The following LRP1B variants were observed in gnomAD, a reference collection of about 807,000 sequenced individuals.
The protein encoded by LRP1B is low-density lipoprotein receptor-related protein 1B.
A neutral mutation model predicts 556.6 loss-of-function variants in LRP1B; 217 were observed. The observed-to-expected ratio is 0.39, with a 90% CI of 0.35 to 0.44. LRP1B has a LOEUF of 0.44. Among genes scored for constraint, LRP1B ranks in the 20% least tolerant of loss-of-function variants. The pLI is 1.00. For missense variants in LRP1B, 5,053 were observed against 5,620.8 expected, an observed-to-expected ratio of 0.90 and a Z score of 3.23; for synonymous variants, 2,047 against 1,865.8, an observed-to-expected ratio of 1.10 and a Z score of -2.50.
chr2:140,780,041 G>T (rs1183973110), intron 32 of LRP1B, among the ~76,000 whole-genome samples: 1 of 148,480 alleles, frequency 6.7e-6, no homozygotes, highest in African/African-American at 2.5e-5. Flanking sequence ...CAGGAAAAGA[G>T]AAAGAAAAAA....
chr2:140,972,060 T>C (rs898288099), intron 18 of LRP1B, among the ~76,000 whole-genome samples: 2 of 152,192 alleles, frequency 1.3e-5, no homozygotes, highest in African/African-American at 4.8e-5. Context: ...GCCTATGGCT[T>C]TGAAAATATC....
chr2:140,966,341 A>T (rs1223853306), intron 18 of LRP1B, among the ~76,000 whole-genome samples: 1 of 152,162 alleles, frequency 6.6e-6, no homozygotes, highest in African/African-American at 2.4e-5. Context: ...TGGGCTGCAT[A>T]AATGTCTTCT....
chr2:141,045,343 C>T (rs1025711829), intron 11 of LRP1B, among the ~76,000 whole-genome samples: 4 of 150,762 alleles, frequency 2.7e-5, no homozygotes, highest in Non-Finnish European at 4.4e-5. Flanking sequence ...GTGGGTGCAG[C>T]GCACCAGCAT....
intron 7 of LRP1B, among the ~76,000 whole-genome samples, chr2:141,115,383 G>A (rs1019932436): frequency 6.6e-6 from 1 of 151,790 alleles, no homozygotes. Context: ...TTCTGAGGTT[G>A]CAGGCTCATC....
chr2:141,414,019 A>ATG (rs1411530742), intron 3 of LRP1B, among the ~76,000 whole-genome samples: 2 of 152,046 alleles, frequency 1.3e-5, no homozygotes, highest in African/African-American at 4.8e-5. Flanking sequence ...TCACGAGGTC[A>ATG]GAGGTCAGGA....
chr2:142,084,911 T>C (rs1705856510), intron 1 of LRP1B, among the ~76,000 whole-genome samples: 1 of 152,212 alleles, frequency 6.6e-6, no homozygotes, highest in Non-Finnish European at 1.5e-5. Context: ...TGTGTATAAA[T>C]ATATTGCCAA....
intron 1 of LRP1B, among the ~76,000 whole-genome samples, chr2:142,078,782 T>C (rs1432720129): frequency 2.6e-5 from 4 of 152,140 alleles, no homozygotes; most frequent in Non-Finnish European, 2.9e-5. Flanking sequence ...ATAATAGGAA[T>C]GTAATAATAG....
At chr2:140,796,077 G>A (rs1690301523) in intron 32 of LRP1B, among the ~76,000 whole-genome samples, 1 of 135,238 alleles carries the variant, frequency 7.4e-6, no homozygotes, top group South Asian at 2.4e-4. Context: ...ATCTATCTAT[G>A]TCTATCTTTC....
intron 43 of LRP1B, among the ~76,000 whole-genome samples, chr2:140,555,221 C>T (rs1304159659): frequency 1.0e-5 from 1 of 99,642 alleles, no homozygotes; most frequent in Non-Finnish European, 2.2e-5. Flanking sequence ...CACAGACGCT[C>T]AGGAAAAAAA....
chr2:141,171,305 T>G (rs11694579), intron 7 of LRP1B, among the ~76,000 whole-genome samples: 73,446 of 151,846 alleles, frequency 0.48, 19,062 homozygotes, highest in Middle Eastern at 0.64. Flanking sequence ...ATAGTTTCAG[T>G]GCCCTAAAAA....
intron 2 of LRP1B, among the ~76,000 whole-genome samples, chr2:141,803,296 C>A (rs534236914): frequency 2.6e-5 from 4 of 151,440 alleles, no homozygotes; most frequent in African/African-American, 9.7e-5. Context: ...AGTAATGTCA[C>A]CCCCTACTCT....
intron 45 of LRP1B, among the ~76,000 whole-genome samples, chr2:140,540,436 G>C (rs887521261): frequency 2.0e-5 from 3 of 152,094 alleles, no homozygotes; most frequent in African/African-American, 7.2e-5. Flanking sequence ...TTGTAATGGT[G>C]CTAATTAAAG....
chr2:140,793,965 A>T (rs1690211219), intron 32 of LRP1B, among the ~76,000 whole-genome samples: 1 of 152,154 alleles, frequency 6.6e-6, no homozygotes. Flanking sequence ...GCCATTTTTT[A>T]AAAACTCTGA....
At chr2:140,957,929 C>T (rs1418547048) in intron 18 of LRP1B, among the ~76,000 whole-genome samples, 1 of 151,246 alleles carries the variant, frequency 6.6e-6, no homozygotes, top group African/African-American at 2.4e-5. Flanking sequence ...GAAAAAAGTC[C>T]CCTTGAAAAT....
At position 141,318,161 on chromosome 2, in the gene LRP1B, T is replaced by C. The variant is rs537363081; in HGVS notation, c.344-63520A>G. Among the ~76,000 whole-genome samples the C allele has an allele frequency of 6.0e-4, 91 of 152,292 alleles. 1 individual carries two copies. Among genetic ancestry groups the C allele is most frequent in the African/African-American group, 2.2e-3 (90 of 41,568 alleles). On this transcript the variant is annotated intron_variant, in intron 3 of 90. Coordinates refer to ENST00000389484, the MANE Select transcript of LRP1B (RefSeq NM_018557.3). ...TCATTTTACTCTTGAAACATTCACT[T>C]GACAAACATTAGATTTGCTATGTGT...
At chr2:141,732,359 A>AT (rs5834862) in intron 2 of LRP1B, among the ~76,000 whole-genome samples, 20 of 151,710 alleles carry the variant, frequency 1.3e-4, no homozygotes, top group African/African-American at 3.6e-4. Flanking sequence ...GTTTTTTTCC[A>AT]TTTTTTTTTA....
intron 41 of LRP1B, among the ~76,000 whole-genome samples, chr2:140,638,899 C>A (rs1370873402): frequency 6.6e-6 from 1 of 150,724 alleles, no homozygotes; most frequent in Non-Finnish European, 1.5e-5. Flanking sequence ...TAAATATGAA[C>A]AATTTATATA....
intron 32 of LRP1B, among the ~76,000 whole-genome samples, chr2:140,786,373 T>C (rs1252478511): frequency 1.3e-5 from 2 of 152,240 alleles, no homozygotes; most frequent in Non-Finnish European, 2.9e-5. Flanking sequence ...GAATTTACTA[T>C]TTATAATTAT....
intron 3 of LRP1B, among the ~76,000 whole-genome samples, chr2:141,477,626 T>C (rs1682761177): frequency 6.6e-6 from 1 of 152,150 alleles, no homozygotes; most frequent in African/African-American, 2.4e-5. Flanking sequence ...TGAGGAAACT[T>C]TACAAGACCA....
Sources: allele counts gnomAD v4.1 joint callset (sites outside exome capture counted in the v4.1 genomes callset), GRCh38; gene constraint gnomAD v4.1.1; transcripts MANE v1.5; gene names NCBI Gene and HGNC (gene_info 2026-07-23, HGNC 2026-07-21).